Variants in MYO16 observed in about 807,000 individuals in gnomAD.
MYO16 encodes unconventional myosin-XVI.
Under a neutral mutation model 205.3 loss-of-function variants are expected in MYO16, and 94 were observed. That is an observed-to-expected ratio of 0.46 (90% CI 0.39 to 0.54). The LOEUF is 0.54. Ranked by LOEUF, MYO16 falls within the 20% of genes least tolerant of loss-of-function variation. The pLI is 0.00. For synonymous variants in MYO16, 988 were observed against 954.0 expected (o/e 1.04, Z -0.66); for missense variants, 2,315 against 2,387.5 (o/e 0.97, Z 0.63).
chr13:108,644,405 TATCTATC>T lies in MYO16; in HGVS notation c.28+14534_28+14540del, dbSNP rs1566524963. 3.3e-3 allele frequency among the ~76,000 whole-genome samples: 482 copies of T among 144,618 alleles called. 3 individuals carry two copies. The highest frequency in any genetic ancestry group is 0.011 in the African/African-American group (460 of 40,252). The allele number at this position is 144,618 out of a possible 152,430, so 94.9% of individuals were successfully genotyped here. On this transcript the variant is annotated intron_variant, in intron 1 of 34. Transcript: ENST00000457511. The stretch of plus-strand genomic sequence containing the variant: ...CTATCTATCTATCTATCTATCTATC[TATCTATC>T]TATCATCTGTTTAAATTACTGCAAC...
intron 2 of MYO16, among the ~76,000 whole-genome samples, chr13:108,702,175 A>G (rs1166794919): frequency 6.6e-6 from 1 of 152,184 alleles, no homozygotes; most frequent in Non-Finnish European, 1.5e-5. Context: ...AATTTGGTGG[A>G]AAATATTAAT....
At chr13:108,739,426 G>A (rs1288771527) in intron 4 of MYO16, among the ~76,000 whole-genome samples, 1 of 152,126 alleles carries the variant, frequency 6.6e-6, no homozygotes, top group Non-Finnish European at 1.5e-5. Context: ...GAAATTCTGG[G>A]TTGAGAATTC....
chr13:108,907,000 C>T (rs910688855), intron 15 of MYO16, among the ~76,000 whole-genome samples: 1 of 152,060 alleles, frequency 6.6e-6, no homozygotes, highest in Admixed American at 6.6e-5. Context: ...TATCCGAATT[C>T]GTTGATAGTA....
the MYO16 span, among the ~76,000 whole-genome samples, chr13:108,543,740 CTT>C: frequency 0.27 from 33,728 of 125,140 alleles, 4,566 homozygotes; most frequent in East Asian, 0.49. Flanking sequence ...TCCTTTTTTT[CTT>C]TTTTTTTTTT....
At chr13:108,770,777 A>T (rs1885935366) in intron 4 of MYO16, among the ~76,000 whole-genome samples, 1 of 152,230 alleles carries the variant, frequency 6.6e-6, no homozygotes. Context: ...ATAAATTCCA[A>T]CATAAAGAAC....
intron 9 of MYO16, among the ~76,000 whole-genome samples, chr13:108,840,523 A>C (rs1201095524): frequency 1.3e-5 from 2 of 152,156 alleles, no homozygotes; most frequent in Non-Finnish European, 1.5e-5. Context: ...TTGGAATTTT[A>C]TTCTTATTTA....
chr13:108,923,931 G>A (rs1881860883), intron 16 of MYO16, among the ~76,000 whole-genome samples: 2 of 152,286 alleles, frequency 1.3e-5, no homozygotes, highest in Admixed American at 6.5e-5. Context: ...TGGCATTGTT[G>A]TATAGGCCGT....
intron 1 of MYO16, among the ~76,000 whole-genome samples, chr13:108,606,485 G>A (rs751940802): frequency 5.3e-5 from 8 of 152,166 alleles, no homozygotes; most frequent in Non-Finnish European, 1.0e-4. Context: ...TTTAGAGGGT[G>A]GAAGTCCCAA....
At chr13:108,798,685 C>CTTT (rs1163799788) in intron 6 of MYO16, among the ~76,000 whole-genome samples, 77 of 105,132 alleles carry the variant, frequency 7.3e-4, no homozygotes, top group African/African-American at 1.2e-3. Flanking sequence ...GGCCCCGAGG[C>CTTT]TTATTTTTTT....
At chr13:109,086,913 A>C (rs1888450187) in intron 27 of MYO16, among the ~76,000 whole-genome samples, 1 of 152,232 alleles carries the variant, frequency 6.6e-6, no homozygotes, top group Admixed American at 6.5e-5. Flanking sequence ...GTTGCATTTC[A>C]TGGCTCAATG....
In MYO16 at chr13:108,676,349, G is replaced by T. The variant is rs150316113; in HGVS notation, c.292+10200G>T. Among the ~76,000 whole-genome samples, 998 of 147,486 alleles carry T rather than the reference G, an allele frequency of 6.8e-3. 10 individuals are homozygous for T. Among genetic ancestry groups the T allele is most frequent in the Middle Eastern group, 0.018 (5 of 284 alleles). ...GCAATATTTTTATTCATTGTTTTCT[G>T]CTAATGTGTGATTATATGTACGCGT... On this transcript the variant is annotated intron_variant, in intron 2 of 34. Transcript: ENST00000457511.
the MYO16 span, among the ~76,000 whole-genome samples, chr13:108,517,069 G>A: frequency 6.6e-5 from 10 of 152,218 alleles, no homozygotes; most frequent in South Asian, 1.9e-3. Flanking sequence ...AGCTGGGACT[G>A]TAGGCATGCA....
At chr13:109,188,422 A>G (rs9521199) in intron 34 of MYO16, among the ~76,000 whole-genome samples, 76,682 of 152,008 alleles carry the variant, frequency 0.5, 20,363 homozygotes, top group African/African-American at 0.65. Flanking sequence ...AGGCAACATA[A>G]CAGATGAGTC....
At chr13:108,730,800 A>G (rs1386419022) in intron 4 of MYO16, among the ~76,000 whole-genome samples, 1 of 152,180 alleles carries the variant, frequency 6.6e-6, no homozygotes, top group Non-Finnish European at 1.5e-5. Flanking sequence ...ATACCCTCAC[A>G]TCATTGTCAG....
At chr13:108,495,730 A>T in the MYO16 span, among the ~76,000 whole-genome samples, 1 of 150,494 alleles carries the variant, frequency 6.6e-6, no homozygotes, top group Non-Finnish European at 1.5e-5. Flanking sequence ...AGGCGGGCAG[A>T]GAGAGCCGCC....
upstream of MYO16, among the ~76,000 whole-genome samples, chr13:108,626,467 C>T (rs1196505185): frequency 6.6e-6 from 1 of 152,056 alleles, no homozygotes; most frequent in Non-Finnish European, 1.5e-5. Flanking sequence ...TTTAATTTAG[C>T]CTTGGTCATT....
At position 108,604,776 on chromosome 13, in the gene MYO16, T is replaced by C. The variant is rs142658963; in HGVS notation, c.-39+8537T>C. On this transcript the variant is annotated intron_variant, in intron 1 of 24. Coordinates refer to the MYO16 transcript ENST00000251041. The stretch of plus-strand genomic sequence containing the variant: ...AAGCACTTACCAACTTAATTGCAAC[T>C]GTGTTTCTGTTTTCCTCACTACGTT... Among the ~76,000 whole-genome samples, 921 of 152,326 alleles carry C rather than the reference T, an allele frequency of 6.0e-3. 13 individuals are homozygous for C. The highest frequency in any genetic ancestry group is 0.021 in the African/African-American group (883 of 41,580).
At chr13:108,977,496 A>T (rs774430940) in intron 20 of MYO16, among the ~76,000 whole-genome samples, 3 of 152,134 alleles carry the variant, frequency 2.0e-5, no homozygotes, top group Non-Finnish European at 4.4e-5. Context: ...ATGCCCACGG[A>T]TGTTCACTGG....
intron 1 of MYO16, among the ~76,000 whole-genome samples, chr13:108,619,341 C>A (rs750299923): frequency 6.6e-6 from 1 of 152,140 alleles, no homozygotes. Flanking sequence ...TCACGAGACT[C>A]TAAAATTCGG....
Sources: gnomAD v4.1 joint callset for allele counts (sites outside exome capture counted in the v4.1 genomes callset) on GRCh38, gnomAD v4.1.1 for gene constraint, MANE v1.5 for transcripts, NCBI Gene and HGNC (gene_info 2026-07-23, HGNC 2026-07-21) for gene names.